WDR47: variants seen among roughly 807,000 people sequenced by gnomAD.
WDR47 encodes WD repeat-containing protein 47.
WDR47 carries 32 observed loss-of-function variants against 97.2 expected under a neutral mutation model. That is an observed-to-expected ratio of 0.33 (90% CI 0.25 to 0.44). The LOEUF (loss-of-function observed/expected upper bound fraction) is 0.44. Ranked by LOEUF, WDR47 falls within the 20% of genes least tolerant of loss-of-function variation. The pLI, the probability that WDR47 is intolerant of heterozygous loss-of-function variation, is 1.00. For missense variants in WDR47, 782 were observed against 1,102.3 expected (o/e 0.71, Z 4.11); for synonymous variants, 375 against 373.5 (o/e 1.00, Z -0.05).
intron 2 of WDR47, 150 bp from the exon 3 acceptor site, chr1:109,017,751 T>C: frequency 6.3e-4 from 2 of 3,156 alleles, no homozygotes; most frequent in East Asian, 0.5. Flanking sequence ...TTTTTCATAA[T>C]TTTTTTTTTT....
intron 9 of WDR47, among the ~76,000 whole-genome samples, chr1:108,988,802 G>A (rs111449249): frequency 0.026 from 3,958 of 151,826 alleles, 65 homozygotes; most frequent in Non-Finnish European, 0.041. Context: ...CTACTGCTCA[G>A]GCTGGAGTGC....
chr1:109,030,425 T>C (rs1662535466), intron 1 of WDR47: 3 of 359,662 alleles, frequency 8.3e-6, no homozygotes, highest in Non-Finnish European at 1.4e-5. Flanking sequence ...TCATCTGCAA[T>C]GCGGTTACTT....
intron 7 of WDR47, among the ~76,000 whole-genome samples, chr1:108,999,084 G>A (rs555353115): frequency 5.9e-5 from 9 of 152,080 alleles, no homozygotes; most frequent in African/African-American, 2.2e-4. Context: ...AAAATTAGCT[G>A]GGCATAAGTG....
At position 108,970,559 on chromosome 1, in the gene WDR47, CAT is replaced by C. The variant is rs1182551451; in HGVS notation, c.*869_*870del. ...CTTCCATTTTAAATTATCATGCAGA[CAT>C]AGCATTTCAAGCCATGCTATGGTCT... On this transcript the variant is annotated 3_prime_UTR_variant, in exon 15 of 15. Transcript: ENST00000369962. The C allele has an allele frequency of 6.6e-6, 1 of 152,546 alleles. No individual in the cohort carries two copies. Among genetic ancestry groups the C allele is most frequent in the Non-Finnish European group, 1.5e-5 (1 of 68,022 alleles). 9.4% of individuals were successfully genotyped at this position (152,546 alleles called of 1,614,324 possible). A position where few individuals can be genotyped will look rare whatever the true frequency, so the allele number is the denominator to read the frequency against.
intron 3 of WDR47, 121 bp downstream of exon 3, chr1:109,017,397 A>C: frequency 1.3e-6 from 1 of 796,496 alleles, no homozygotes; most frequent in Non-Finnish European, 2.1e-6. Context: ...AGAGAGATCA[A>C]TTTGTTTACT....
At chr1:109,022,730 A>G (rs1275303642) in intron 2 of WDR47, among the ~76,000 whole-genome samples, 3 of 151,698 alleles carry the variant, frequency 2.0e-5, no homozygotes, top group Non-Finnish European at 4.4e-5. Flanking sequence ...GATTACAGGC[A>G]TGTGCCACCA....
Position 108,995,617 on chromosome 1 carries a change from T to C in WDR47, c.1654A>G (p.Ile552Val), listed in dbSNP as rs1383663948. 1.9e-6 allele frequency: 3 copies of C among 1,614,164 alleles called. No individual in the cohort carries two copies. Among genetic ancestry groups the C allele is most frequent in the African/African-American group, 1.3e-5 (1 of 75,068 alleles). ...CAAGGTGATTCCTCCAGAAAAGGTA[T>C]GTGATTTGTTGATCCAGGATTACGA... is the stretch of plus-strand genomic sequence containing the variant. ...TPRNPGSTNHIPFLEESPCGS... is the reference protein window; with the variant it reads ...TPRNPGSTNHVPFLEESPCGS... The change falls in exon 8 of 15, where the codon ATA (isoleucine) becomes GTA (valine). Residue 552 changes from isoleucine to valine, a missense_variant. This residue lies in a region of WDR47 where 126 missense variants were observed against 121.3 expected (regional missense o/e 1.04). Coordinates refer to ENST00000369962, the MANE Select transcript of WDR47 (RefSeq NM_001142551.2).
At chr1:108,981,678 C>T in intron 13 of WDR47, 55 bp downstream of exon 13, 1 of 1,522,458 alleles carries the variant, frequency 6.6e-7, no homozygotes, top group Admixed American at 2.1e-5. Context: ...AAGAAGTAGA[C>T]TAGTCTAATT....
intron 2 of WDR47, among the ~76,000 whole-genome samples, chr1:109,022,940 C>T (rs1027873388): frequency 6.6e-6 from 1 of 151,068 alleles, no homozygotes; most frequent in African/African-American, 2.4e-5. Flanking sequence ...TGCGGTGGCT[C>T]ACGCCTGTAA....
At chr1:108,997,643 C>G (rs1471859575) in intron 7 of WDR47, among the ~76,000 whole-genome samples, 1 of 151,028 alleles carries the variant, frequency 6.6e-6, no homozygotes, top group Non-Finnish European at 1.5e-5. Flanking sequence ...GCCTGTAGTC[C>G]CAGCTTCTCG....
At position 109,041,877 on chromosome 1, in the gene WDR47, C is replaced by G. The variant is rs1422777644; in HGVS notation, c.-25G>C. 2 of 152,404 alleles carry G rather than the reference C, an allele frequency of 1.3e-5. No homozygotes were observed. Among genetic ancestry groups the G allele is most frequent in the Non-Finnish European group, 2.9e-5 (2 of 68,182 alleles). 9.4% of individuals were successfully genotyped at this position (152,404 alleles called of 1,614,324 possible). On this transcript the variant is annotated 5_prime_UTR_variant, in exon 1 of 15. Coordinates refer to ENST00000369962, the MANE Select transcript of WDR47 (RefSeq NM_001142551.2). Reference sequence around the variant, plus strand: ...AGTCACCCACCTGAGGGCTCCAGGGCAAGCCCGGAGGAGCGGCGGAGGAGA... The same window carrying G: ...AGTCACCCACCTGAGGGCTCCAGGGGAAGCCCGGAGGAGCGGCGGAGGAGA...
intron 10 of WDR47, among the ~76,000 whole-genome samples, chr1:108,984,704 C>A (rs2101827339): frequency 6.6e-6 from 1 of 152,134 alleles, no homozygotes; most frequent in African/African-American, 2.4e-5. Context: ...ATGGTGAAAC[C>A]CCGTCGCTAC....
At chr1:109,033,972 T>C (rs1662770540) in intron 1 of WDR47, among the ~76,000 whole-genome samples, 1 of 152,268 alleles carries the variant, frequency 6.6e-6, no homozygotes, top group African/African-American at 2.4e-5. Flanking sequence ...TTTGAGAGAA[T>C]TTGACAGCAT....
At chr1:108,984,345 A>G (rs1354197150) in intron 10 of WDR47, among the ~76,000 whole-genome samples, 4 of 152,208 alleles carry the variant, frequency 2.6e-5, no homozygotes, top group Admixed American at 2.0e-4. Flanking sequence ...TATGTAAGAA[A>G]ATGTACATGT....
At chr1:109,035,819 T>A (rs1171038150) in intron 1 of WDR47, among the ~76,000 whole-genome samples, 3 of 150,452 alleles carry the variant, frequency 2.0e-5, no homozygotes, top group African/African-American at 7.3e-5. Context: ...GTATCTTCTT[T>A]TTTTTTTTTT....
Position 109,004,642 on chromosome 1 carries a change from G to A in WDR47, c.1204C>T (p.Pro402Ser), listed in dbSNP as rs1660455799. The A allele has an allele frequency of 6.2e-7, 1 of 1,613,176 alleles. No homozygotes were observed. The highest frequency in any genetic ancestry group is 8.5e-7 in the Non-Finnish European group (1 of 1,179,682). The change falls in exon 6 of 15, where the codon CCT becomes TCT. Residue 402 changes from proline (P) to serine (S), a missense_variant. Around this residue, in one of 3 missense-constraint regions of WDR47, gnomAD observed 428 missense variants for 584.3 expected, o/e 0.73. Coordinates refer to ENST00000369962, the MANE Select transcript of WDR47 (RefSeq NM_001142551.2). Reference sequence around the variant, plus strand: ...CCTGGATTCTGTGCTCCATTTGCAGGCTCTTTTTCTGAAACTGAACTCTGG... The same window carrying A: ...CCTGGATTCTGTGCTCCATTTGCAGACTCTTTTTCTGAAACTGAACTCTGG... The part of the protein sequence containing the change: ...LGQSSVSEKE[P>S]ANGAQNPGPA...
intron 1 of WDR47, chr1:109,030,076 CA>C: frequency 1.4e-6 from 1 of 738,116 alleles, no homozygotes; most frequent in Non-Finnish European, 2.0e-6. Flanking sequence ...ATGCCTCTCG[CA>C]AAAGATCTCC....
intron 7 of WDR47, among the ~76,000 whole-genome samples, chr1:108,999,654 A>G (rs929209409): frequency 1.3e-5 from 2 of 151,946 alleles, no homozygotes; most frequent in African/African-American, 4.8e-5. Context: ...AGACTGGGCA[A>G]CAGAGCGAGA....
chr1:108,971,564 T>G lies in WDR47; in HGVS notation c.2626A>C (p.Thr876Pro). 1 of 1,614,114 alleles carries G rather than the reference T, an allele frequency of 6.2e-7. No homozygotes were observed. The highest frequency in any genetic ancestry group is 8.5e-7 in the Non-Finnish European group (1 of 1,179,992). ...ACCACCATGATAGGAAGCTGCTTGG[T>G]GAGGTCCCCTAAATTACAAAAGAGA... ...IKVTDLQGDL[T>P]KQLPIMVVGE... Residue 876 changes from threonine to proline, a missense_variant, in exon 15 of 15, where the codon ACC (threonine) becomes CCC (proline). This residue lies in a region of WDR47 where 228 missense variants were observed against 396.7 expected (regional missense o/e 0.57). Transcript: ENST00000369962.
Sources: allele counts gnomAD v4.1 joint callset (sites outside exome capture counted in the v4.1 genomes callset), GRCh38; gene constraint gnomAD v4.1.1; regional missense constraint gnomAD v4.1.1; transcripts MANE v1.5; gene names NCBI Gene and HGNC (gene_info 2026-07-23, HGNC 2026-07-21).